FGFR3: variants seen among roughly 807,000 people sequenced by gnomAD.
The protein encoded by FGFR3 is FGFR-3.
FGFR3 carries 25 observed loss-of-function variants against 82.9 expected under a neutral mutation model. The ratio of observed to expected loss-of-function variants is 0.30; its 90% CI spans 0.22 to 0.42. The LOEUF is 0.42. Ranked by LOEUF, FGFR3 falls within the 10% of genes least tolerant of loss-of-function variation. The pLI is 1.00. For missense variants in FGFR3, 1,026 were observed against 1,161.0 expected (o/e 0.88, Z 1.69); for synonymous variants, 620 against 516.0 (o/e 1.20, Z -2.73).
Position 1,808,291 on chromosome 4 carries a change from A to T in FGFR3, c.*1029A>T. The T allele has an allele frequency of 4.3e-6, 1 of 232,910 alleles. No individual in the cohort carries two copies. The highest frequency in any genetic ancestry group is 8.5e-6 in the Non-Finnish European group (1 of 117,676). 14.4% of individuals were successfully genotyped at this position (232,910 alleles called of 1,614,324 possible). On this transcript the variant is annotated 3_prime_UTR_variant, in exon 18 of 18. Transcript: ENST00000440486. Reference sequence around the variant, plus strand: ...CCCCGGAGCTGGAGGATCCCCTCCAAGCCTAAAAGGTTGTTAATAGTTGGA... The same window carrying T: ...CCCCGGAGCTGGAGGATCCCCTCCATGCCTAAAAGGTTGTTAATAGTTGGA...
intron 10 of FGFR3, 93 bp from the exon 11 acceptor site, chr4:1,805,262 G>A: frequency 6.3e-7 from 1 of 1,584,852 alleles, no homozygotes. Context: ...GTGGCTCTGG[G>A]CCTCAAGGGC....
intron 2 of FGFR3, among the ~76,000 whole-genome samples, chr4:1,796,406 T>C (rs576626141): frequency 6.6e-6 from 1 of 152,220 alleles, no homozygotes; most frequent in Non-Finnish European, 1.5e-5. Flanking sequence ...GGCCCCCTCC[T>C]CTTAGGCTAT....
intron 2 of FGFR3, among the ~76,000 whole-genome samples, chr4:1,798,542 G>A (rs3135864): frequency 0.015 from 957 of 62,778 alleles, 3 homozygotes; most frequent in Middle Eastern, 0.053. Flanking sequence ...CCCCACCCCC[G>A]CCCCGGCCCC....
chr4:1,805,588 C>T lies in FGFR3; in HGVS notation c.1564C>T (p.Leu522=), dbSNP rs2108803221. The T allele has an allele frequency of 1.9e-6, 3 of 1,613,298 alleles. No homozygotes were observed. The highest frequency in any genetic ancestry group is 2.5e-6 in the Non-Finnish European group (3 of 1,179,812). ...DDATDKDLSD[L]VSEMEMMKMI... ...TGCCACTGACAAGGACCTGTCGGAC[C>T]TGGTGTCTGAGATGGAGATGATGAA... The change falls in exon 12 of 18, where the codon CTG becomes TTG. Residue 522 remains leucine (L), a synonymous_variant. Transcript: ENST00000440486.
rs1251024083 is a variant in FGFR3 at position 1,803,781 on chromosome 4, G to A, written c.1020G>A (p.Leu340=). ...TFEDAGEYTC[L]AGNSIGFSHH... is the part of the protein sequence containing the mutation. ...AGGACGCCGGGGAGTACACCTGCCTGGCGGGCAATTCTATTGGGTTTTCTC... is the reference window on the plus strand; with the variant it reads ...AGGACGCCGGGGAGTACACCTGCCTAGCGGGCAATTCTATTGGGTTTTCTC... Residue 340 remains leucine, a synonymous_variant, in exon 8 of 18, where the codon CTG becomes CTA. Transcript: ENST00000440486. 47 of 1,613,990 alleles carry A rather than the reference G, an allele frequency of 2.9e-5. No individual in the cohort carries two copies. The highest frequency in any genetic ancestry group is 3.2e-5 in the Non-Finnish European group (38 of 1,180,042).
chr4:1,805,496 G>T lies in FGFR3; in HGVS notation c.1534+20G>T, dbSNP rs1157921279. 1.9e-6 allele frequency: 3 copies of T among 1,612,114 alleles called. No individual in the cohort carries two copies. In the Admixed American group the frequency reaches 5.0e-5, roughly 27 times the overall value. ...TGAAAGGTGAGGAGGGGGCGGCCAG[G>T]GGTGCAGAGCAGGGCTGGGGGCGCC... On this transcript the variant is annotated intron_variant, in intron 11 of 17. Coordinates refer to ENST00000440486, the MANE Select transcript of FGFR3 (RefSeq NM_000142.5).
chr4:1,805,699 T>C, intron 12 of FGFR3, 30 bp downstream of exon 12: 1 of 1,611,268 alleles, frequency 6.2e-7, no homozygotes, highest in Non-Finnish European at 8.5e-7. Context: ...TGGTGCCGGC[T>C]GGGCGGCCCT....
intron 7 of FGFR3, 131 bp downstream of exon 7, chr4:1,802,156 T>C (rs573093003): frequency 3.8e-4 from 383 of 999,512 alleles, no homozygotes; most frequent in Middle Eastern, 1.9e-3. Context: ...GCTGTGGGGG[T>C]GCTTGTGGGG....
At chr4:1,806,786 G>A (rs200294120) in intron 16 of FGFR3, 43 bp from the exon 17 acceptor site, 1 of 1,587,544 alleles carries the variant, frequency 6.3e-7, no homozygotes, top group East Asian at 2.3e-5. Context: ...TCCCGAATAA[G>A]GCGGGAAGCG....
rs3135874 is a variant in FGFR3 at position 1,802,199 on chromosome 4, T to C, written c.930+174T>C. On this transcript the variant is annotated intron_variant, in intron 7 of 17. Transcript: ENST00000440486. ...TCAGCCACCCCACACCTCAGGGCCA[T>C]AGGCAGCTGCGTTGGGACCCGTTTC... 0.028 allele frequency among the ~76,000 whole-genome samples: 4,232 copies of C among 152,224 alleles called. 145 individuals are homozygous for C. The highest frequency in any genetic ancestry group is 0.077 in the African/African-American group (3,187 of 41,528).
chr4:1,794,449 C>A (rs1027859902), intron 2 of FGFR3, among the ~76,000 whole-genome samples: 6 of 152,102 alleles, frequency 3.9e-5, no homozygotes, highest in African/African-American at 1.4e-4. Flanking sequence ...TTGTGGCCAG[C>A]TTCGGCCAAG....
At chr4:1,799,711 G>C (rs757828903) in intron 3 of FGFR3, 36 bp from the exon 4 acceptor site, 3 of 1,611,550 alleles carry the variant, frequency 1.9e-6, no homozygotes, top group East Asian at 2.2e-5. Flanking sequence ...TCCTGGGGCA[G>C]GTTGGGCATT....
chr4:1,795,010 G>A (rs1400233930), intron 2 of FGFR3, among the ~76,000 whole-genome samples: 2 of 151,662 alleles, frequency 1.3e-5, no homozygotes, highest in African/African-American at 4.8e-5. Context: ...CGCGGGCGCG[G>A]CGGGCCGGGG....
Position 1,804,868 on chromosome 4 carries a change from G to A in FGFR3, c.1311G>A (p.Leu437=), listed in dbSNP as rs1721681343. ...SNASMSSNTP[L]VRIARLSSGE... ...CGTCCATGAGCTCCAACACACCACT[G>A]GTGCGCATCGCAAGGCTGTCCTCAG... The change falls in exon 10 of 18, where the codon CTG becomes CTA. Residue 437 remains leucine, a synonymous_variant. Coordinates refer to ENST00000440486, the MANE Select transcript of FGFR3 (RefSeq NM_000142.5). 2 of 1,549,996 alleles carry A rather than the reference G, an allele frequency of 1.3e-6. No homozygotes were observed.
rs755526507 is a variant in FGFR3 at position 1,807,153 on chromosome 4, C to T, written c.2312C>T (p.Ser771Phe). 36 of 1,598,684 alleles carry T rather than the reference C, an allele frequency of 2.3e-5. No individual in the cohort carries two copies. The highest frequency in any genetic ancestry group is 1.1e-5 in the South Asian group (1 of 88,698). The change falls in exon 18 of 18, where the codon TCC (serine) becomes TTC (phenylalanine). Residue 771 changes from serine (S) to phenylalanine (F), a missense_variant. This residue lies in a region of FGFR3 where 155 missense variants were observed against 150.2 expected (regional missense o/e 1.03). Transcript: ENST00000440486. ...LDLSAPFEQY[S>F]PGGQDTPSSS... The stretch of plus-strand genomic sequence containing the variant: ...CTGTCGGCGCCTTTCGAGCAGTACT[C>T]CCCGGGTGGCCAGGACACCCCCAGC...
intron 4 of FGFR3, among the ~76,000 whole-genome samples, chr4:1,800,712 C>T (rs1378010063): frequency 5.3e-5 from 8 of 152,040 alleles, no homozygotes; most frequent in East Asian, 1.9e-4. Flanking sequence ...CTGCTTCCCT[C>T]CTGGGGAATG....
At chr4:1,800,470 G>A (rs1018806120) in intron 4 of FGFR3, among the ~76,000 whole-genome samples, 6 of 152,082 alleles carry the variant, frequency 3.9e-5, no homozygotes, top group Non-Finnish European at 7.4e-5. Context: ...CTGATGGTGT[G>A]TGCGCTGGGT....
rs1335754370 is a variant in FGFR3, at chr4:1,801,917, C to T, written c.822C>T (p.His274=). ...TGCTGGGCAGCGACGTGGAGTTCCA[C>T]TGCAAGGTGTACAGTGACGCACAGC... is the stretch of plus-strand genomic sequence containing the variant. ...TAVLGSDVEF[H]CKVYSDAQPH... is the part of the protein sequence containing the mutation. Residue 274 remains histidine (H), a synonymous_variant, in exon 7 of 18, where the codon CAC becomes CAT. Transcript: ENST00000440486. The T allele has an allele frequency of 1.9e-6, 3 of 1,612,594 alleles. No homozygotes were observed. Among genetic ancestry groups the T allele is most frequent in the Non-Finnish European group, 2.5e-6 (3 of 1,179,810 alleles).
rs368518454 is a variant in FGFR3, at chr4:1,806,265, G to A, written c.1968G>A (p.Leu656=). 1 of 1,612,980 alleles carries A rather than the reference G, an allele frequency of 6.2e-7. No homozygotes were observed. Among genetic ancestry groups the A allele is most frequent in the Non-Finnish European group, 8.5e-7 (1 of 1,179,968 alleles). Residue 656 remains leucine, a synonymous_variant, in exon 15 of 18, where the codon CTG becomes CTA. Coordinates refer to ENST00000440486, the MANE Select transcript of FGFR3 (RefSeq NM_000142.5). Reference sequence around the variant, plus strand: ...TTCCCACACCCTCCCAGGGCCGGCTGCCCGTGAAGTGGATGGCGCCTGAGG... The same window carrying A: ...TTCCCACACCCTCCCAGGGCCGGCTACCCGTGAAGTGGATGGCGCCTGAGG... ...DYYKKTTNGR[L]PVKWMAPEAL...
Sources: gnomAD v4.1 joint callset for allele counts (sites outside exome capture counted in the v4.1 genomes callset) on GRCh38, gnomAD v4.1.1 for gene constraint, gnomAD v4.1.1 regional missense constraint, MANE v1.5 for transcripts, NCBI Gene and HGNC (gene_info 2026-07-23, HGNC 2026-07-21) for gene names.